DMBT1: variants seen among roughly 807,000 people sequenced by gnomAD.
DMBT1 encodes the protein deleted in malignant brain tumors 1, also known as scavenger receptor cysteine-rich domain-containing protein DMBT1.
Under a neutral mutation model 252.9 loss-of-function variants are expected in DMBT1, and 198 were observed. That is an observed-to-expected ratio of 0.78 (90% confidence interval 0.70 to 0.88). DMBT1 has a LOEUF of 0.88. Ranked by LOEUF, DMBT1 falls within the 40% of genes least tolerant of loss-of-function variation. DMBT1 has a pLI of 0.00. For synonymous variants in DMBT1, 990 were observed against 942.7 expected, an observed-to-expected ratio of 1.05 and a Z score of -0.92; for missense variants, 2,432 against 2,404.7, an observed-to-expected ratio of 1.01 and a Z score of -0.24.
intron 50 of DMBT1, among the ~76,000 whole-genome samples, chr10:122,632,484 A>T (rs2098173332): frequency 6.6e-6 from 1 of 151,832 alleles, no homozygotes. Flanking sequence ...TGCTCCATCT[A>T]CACGGAGGTT....
intron 14 of DMBT1, among the ~76,000 whole-genome samples, chr10:122,584,712 A>G (rs1268299335): frequency 6.7e-6 from 1 of 149,130 alleles, no homozygotes. Context: ...TCGGAAGCCA[A>G]TGTCAGCTAA....
At chr10:122,571,085 T>A in intron 4 of DMBT1, 148 bp downstream of exon 4, 1 of 970,492 alleles carries the variant, frequency 1.0e-6, no homozygotes, top group Non-Finnish European at 1.6e-6. Flanking sequence ...TTGCTCTGTG[T>A]ATGTGCAACT....
At chr10:122,584,646 T>C (rs1181787318) in intron 14 of DMBT1, among the ~76,000 whole-genome samples, 1 of 149,070 alleles carries the variant, frequency 6.7e-6, no homozygotes. Flanking sequence ...TTGACCCTTT[T>C]CTATTCAGAG....
chr10:122,598,027 C>T lies in DMBT1; in HGVS notation c.2956+15C>T, dbSNP rs371871572. 195 of 1,613,920 alleles carry T rather than the reference C, an allele frequency of 1.2e-4. No homozygotes were observed. In the African/African-American group the frequency reaches 2.4e-3, roughly 20 times the overall value. ...ATCGACAGTAGGTAAATATTCCTCT[C>T]GCCCCTCCCTAGGGCTCACTCTCTA... On this transcript the variant is annotated intron_variant, in intron 25 of 55. Transcript: ENST00000338354.
Position 122,593,505 on chromosome 10 carries a change from C to T in DMBT1, c.2501-64C>T. ...AGACTCGCTCATTTCTTTCCCTCCT[C>T]GTTCCAGTTTTGCCGACTTCTGTGT... On this transcript the variant is annotated intron_variant, in intron 20 of 55. Transcript: ENST00000338354. 14 of 1,518,568 alleles carry T rather than the reference C, an allele frequency of 9.2e-6. 1 individual carries two copies. Among genetic ancestry groups the T allele is most frequent in the Admixed American group, 3.4e-5 (2 of 58,762 alleles). The allele number at this position is 1,518,568 out of a possible 1,614,324, so 94.1% of individuals were successfully genotyped here. A position where few individuals can be genotyped will look rare whatever the true frequency, so the allele number is the denominator to read the frequency against.
rs769944649 is a variant in DMBT1 at position 122,621,199 on chromosome 10, G to A, written c.5427G>A (p.Gln1809=). The change falls in exon 44 of 56, where the codon CAG becomes CAA. Residue 1809 remains glutamine (Q), a synonymous_variant. Transcript: ENST00000338354. ...DTNDANVVCR[Q]LGCGWAMSAP... is the part of the protein sequence containing the mutation. Reference sequence around the variant, plus strand: ...ATGATGCCAATGTGGTCTGCAGGCAGCTGGGCTGTGGCTGGGCCATGTCGG... The same window carrying A: ...ATGATGCCAATGTGGTCTGCAGGCAACTGGGCTGTGGCTGGGCCATGTCGG... 2.5e-6 allele frequency: 4 copies of A among 1,613,940 alleles called. No individual in the cohort carries two copies. In the East Asian group the frequency reaches 6.7e-5, roughly 27 times the overall value.
chr10:122,630,470 G>C lies in DMBT1; in HGVS notation c.6005G>C (p.Trp2002Ser), dbSNP rs762391705. The C allele has an allele frequency of 3.1e-6, 5 of 1,613,900 alleles. No homozygotes were observed. Among genetic ancestry groups the C allele is most frequent in the Middle Eastern group, 1.6e-4 (1 of 6,062 alleles). Reference sequence around the variant, plus strand: ...TTCCAAAACACTGGCTTTTTGGCTTGGTATAACTCCTTCCCAAGCGGTAAG... The same window carrying C: ...TTCCAAAACACTGGCTTTTTGGCTTCGTATAACTCCTTCCCAAGCGGTAAG... ...ISFQNTGFLAWYNSFPSDATL... is the reference protein window; with the variant it reads ...ISFQNTGFLASYNSFPSDATL... The change falls in exon 48 of 56, where the codon TGG (tryptophan) becomes TCG (serine). Residue 2002 changes from tryptophan to serine, a missense_variant. Trp to Ser is a radical substitution (Grantham distance 177). Coordinates refer to ENST00000338354, the MANE Select transcript of DMBT1 (RefSeq NM_001377530.1).
At position 122,620,382 on chromosome 10, in the gene DMBT1, C is replaced by T. The variant is rs532385963; in HGVS notation, c.5284+91C>T. 127 of 1,475,894 alleles carry T rather than the reference C, an allele frequency of 8.6e-5. No homozygotes were observed. In the African/African-American group the frequency reaches 9.5e-4, roughly 11 times the overall value. The allele number at this position is 1,475,894 out of a possible 1,614,324, so 91.4% of individuals were successfully genotyped here. ...AATGAAAGAATGAGGCTCAAGCTGGCGCCTCTGTTTTTCATGTTTCCGCGA... is the reference window on the plus strand; with the variant it reads ...AATGAAAGAATGAGGCTCAAGCTGGTGCCTCTGTTTTTCATGTTTCCGCGA... On this transcript the variant is annotated intron_variant, in intron 43 of 55. Coordinates refer to ENST00000338354, the MANE Select transcript of DMBT1 (RefSeq NM_001377530.1).
intron 4 of DMBT1, 55 bp downstream of exon 4, chr10:122,570,992 G>C (rs1298071274): frequency 1.3e-6 from 2 of 1,579,198 alleles, no homozygotes; most frequent in Non-Finnish European, 1.7e-6. Flanking sequence ...GCACCCCTAG[G>C]TTCATCTCTG....
chr10:122,564,499 G>A (rs1014544728), intron 1 of DMBT1, among the ~76,000 whole-genome samples: 1 of 115,606 alleles, frequency 8.7e-6, no homozygotes. Flanking sequence ...TTACCAGGAA[G>A]TAAAAAGAAA....
rs1374643688 is a variant in DMBT1, at chr10:122,592,400, G to A, written c.2305G>A (p.Val769Met). Residue 769 changes from valine to methionine, a missense_variant, in exon 20 of 56, where the codon GTG (valine) becomes ATG (methionine). By Grantham distance (21) the Val-to-Met change is conservative (BLOSUM62 1). This residue lies in a region of DMBT1 where 1,264 missense variants were observed against 1,082.2 expected (regional missense o/e 1.17). Coordinates refer to ENST00000338354, the MANE Select transcript of DMBT1 (RefSeq NM_001377530.1). ...DDSWDTNDAN[V>M]VCRQLGCGWA... ...CAGCTGGGATACCAATGATGCCAAT[G>A]TGGTCTGCAGGCAGCTGGGCTGTGG... 7.6e-6 allele frequency: 12 copies of A among 1,588,498 alleles called. 2 individuals carry two copies. The highest frequency in any genetic ancestry group is 9.4e-6 in the Non-Finnish European group (11 of 1,165,900).
chr10:122,591,385 T>C, intron 18 of DMBT1, 94 bp from the exon 19 acceptor site: 3 of 1,359,202 alleles, frequency 2.2e-6, no homozygotes, highest in Non-Finnish European at 3.1e-6. Context: ...AATGGAAGAA[T>C]ATTCATGATG....
At chr10:122,625,333 A>G in intron 45 of DMBT1, 30 bp downstream of exon 45, 1 of 1,600,812 alleles carries the variant, frequency 6.2e-7, no homozygotes, top group Non-Finnish European at 8.5e-7. Flanking sequence ...GTCCAGCAAT[A>G]TTTCTCTTGG....
At chr10:122,634,385 TTTC>T (rs1460299819) in intron 52 of DMBT1, among the ~76,000 whole-genome samples, 22 of 138,830 alleles carry the variant, frequency 1.6e-4, no homozygotes, top group African/African-American at 4.2e-4. Context: ...TCTTTCTTTC[TTTC>T]TTTCTTTCTT....
intron 4 of DMBT1, among the ~76,000 whole-genome samples, chr10:122,571,178 T>G (rs2981793): frequency 0.69 from 104,274 of 151,816 alleles, 35,999 homozygotes; most frequent in East Asian, 0.77. Context: ...GTAAGTGATG[T>G]CTGAATTGGT....
intron 9 of DMBT1, among the ~76,000 whole-genome samples, chr10:122,579,289 G>T (rs908509370): frequency 3.3e-5 from 5 of 152,146 alleles, no homozygotes; most frequent in African/African-American, 1.2e-4. Context: ...GCCATCTGGA[G>T]CTGAGCAGCT....
At chr10:122,570,631 G>T (rs1446054375) in intron 3 of DMBT1, among the ~76,000 whole-genome samples, 1 of 152,196 alleles carries the variant, frequency 6.6e-6, no homozygotes, top group African/African-American at 2.4e-5. Flanking sequence ...AATAGACTGT[G>T]TGACTTGTTG....
chr10:122,597,983 C>G lies in DMBT1; in HGVS notation c.2927C>G (p.Pro976Arg), dbSNP rs200154322. Residue 976 changes from proline (P) to arginine (R), a missense_variant, in exon 25 of 56, where the codon CCG becomes CGG. This residue lies in a region of DMBT1 where 1,264 missense variants were observed against 1,082.2 expected (regional missense o/e 1.17). Transcript: ENST00000338354. ...SWSTPSPDTL[P>R]TITLPASTVG... is the part of the protein sequence containing the mutation. ...TCTGTTGCAATTACAGACACATTGC[C>G]GACCATCACCTTGCCTGCATCGACA... 3.7e-6 allele frequency: 6 copies of G among 1,613,870 alleles called. No individual in the cohort carries two copies. In the African/African-American group the frequency reaches 6.7e-5, roughly 18 times the overall value.
At chr10:122,597,526 T>C (rs2097894127) in intron 24 of DMBT1, among the ~76,000 whole-genome samples, 1 of 152,190 alleles carries the variant, frequency 6.6e-6, no homozygotes, top group Admixed American at 6.5e-5. Context: ...CAGGGCTACA[T>C]GTGCATCCAG....
Sources: allele counts gnomAD v4.1 joint callset (sites outside exome capture counted in the v4.1 genomes callset), GRCh38; gene constraint gnomAD v4.1.1; regional missense constraint gnomAD v4.1.1; transcripts MANE v1.5; gene names NCBI Gene and HGNC (gene_info 2026-07-23, HGNC 2026-07-21).